SLC16A12: variants seen among roughly 807,000 people sequenced by gnomAD.
SLC16A12 encodes solute carrier family 16 member 12, also known as monocarboxylate transporter 12.
SLC16A12 carries 17 observed loss-of-function variants against 42.4 expected under a neutral mutation model. The observed-to-expected ratio is 0.40, with a 90% confidence interval of 0.27 to 0.60. The LOEUF (loss-of-function observed/expected upper bound fraction) is 0.60. Among genes scored for constraint, SLC16A12 ranks in the 20% least tolerant of loss-of-function variants. The pLI is 0.42. For synonymous variants in SLC16A12, 224 were observed against 229.4 expected, an observed-to-expected ratio of 0.98 and a Z score of 0.21; for missense variants, 544 against 623.0, an observed-to-expected ratio of 0.87 and a Z score of 1.35.
At chr10:89,504,802 A>G (rs1288592363) in intron 2 of SLC16A12, among the ~76,000 whole-genome samples, 1 of 152,182 alleles carries the variant, frequency 6.6e-6, no homozygotes, top group Non-Finnish European at 1.5e-5. Context: ...GGGCCTGATT[A>G]CAATGTTTCT....
At chr10:89,485,964 TC>T (rs1186185992) in intron 2 of SLC16A12, among the ~76,000 whole-genome samples, 1 of 152,166 alleles carries the variant, frequency 6.6e-6, no homozygotes, top group East Asian at 1.9e-4. Flanking sequence ...AATATAAACT[TC>T]CTTGGTAAGC....
intron 3 of SLC16A12, among the ~76,000 whole-genome samples, chr10:89,451,858 C>A (rs757949465): frequency 1.3e-5 from 2 of 152,110 alleles, no homozygotes. Flanking sequence ...TTCTGCTAGG[C>A]CCACGATTTG....
chr10:89,439,023 C>T lies in SLC16A12; in HGVS notation c.609G>A (p.Trp203Ter), dbSNP rs780179198. The change falls in exon 6 of 8, where the codon TGG (tryptophan) becomes TGA (stop). Residue 203 changes from tryptophan to a stop codon, truncating the protein, a stop_gained. Transcript: ENST00000371790. LOFTEE classifies it high-confidence loss of function. The part of the protein sequence containing the change: ...VVQLLIEQFS[W>*]RGALLILGGF... ...CCCCAAGAATGAGTAAGGCTCCCCG[C>T]CAGGAAAACTGTTCAATAAGGAGCT... The T allele has an allele frequency of 1.2e-6, 2 of 1,614,042 alleles. No individual in the cohort carries two copies. The highest frequency in any genetic ancestry group is 1.7e-6 in the Non-Finnish European group (2 of 1,179,970).
chr10:89,520,075 T>G (rs1026452793), intron 2 of SLC16A12, among the ~76,000 whole-genome samples: 3 of 149,838 alleles, frequency 2.0e-5, no homozygotes, highest in African/African-American at 7.4e-5. Flanking sequence ...ATCGCGCCAC[T>G]ACACTCCAGT....
At chr10:89,433,378 T>C (rs1841724504) in intron 7 of SLC16A12, 52 bp from the exon 8 acceptor site, 1 of 1,577,288 alleles carries the variant, frequency 6.3e-7, no homozygotes, top group East Asian at 2.3e-5. Flanking sequence ...TTCAATTGCT[T>C]ACCCACTCTC....
At chr10:89,489,569 T>C (rs1842816170) in intron 2 of SLC16A12, among the ~76,000 whole-genome samples, 1 of 152,104 alleles carries the variant, frequency 6.6e-6, no homozygotes, top group Non-Finnish European at 1.5e-5. Flanking sequence ...GTTCAACGTC[T>C]GTACTCAAGC....
At chr10:89,528,005 T>C (rs1178449813) in intron 2 of SLC16A12, among the ~76,000 whole-genome samples, 2 of 152,148 alleles carry the variant, frequency 1.3e-5, no homozygotes, top group Non-Finnish European at 2.9e-5. Context: ...TAAACTCCTA[T>C]CTTTCTTACG....
chr10:89,556,431 C>T (rs561358485), intron 1 of SLC16A12: 3 of 152,340 alleles, frequency 2.0e-5, no homozygotes, highest in East Asian at 3.9e-4. Context: ...CGGTTCCTAG[C>T]TCATGACTCC....
At chr10:89,512,036 T>G (rs148361782) in intron 2 of SLC16A12, among the ~76,000 whole-genome samples, 1 of 152,276 alleles carries the variant, frequency 6.6e-6, no homozygotes, top group Non-Finnish European at 1.5e-5. Flanking sequence ...TTATGCTAAG[T>G]GAAAAAGCTA....
At chr10:89,503,381 T>C (rs1005152740) in intron 2 of SLC16A12, among the ~76,000 whole-genome samples, 17 of 152,198 alleles carry the variant, frequency 1.1e-4, no homozygotes, top group African/African-American at 3.9e-4. Context: ...ATAGTTGCTG[T>C]TCCAATCCCA....
At position 89,535,568 on chromosome 10, in the gene SLC16A12, CCCAGAGCT is replaced by C. The variant is rs940663022; in HGVS notation, c.-321_-314del. The C allele has an allele frequency of 1.3e-5, 2 of 152,506 alleles. No homozygotes were observed. The highest frequency in any genetic ancestry group is 2.9e-5 in the Non-Finnish European group (2 of 68,388). 9.4% of individuals were successfully genotyped at this position (152,506 alleles called of 1,614,324 possible). ...GCCGGCGAGACTGAGCCCGGGACAG[CCCAGAGCT>C]CCAGCGCTCCAGCGCTCTGCAGCCC... On this transcript the variant is annotated 5_prime_UTR_variant, in exon 1 of 8. Coordinates refer to ENST00000371790, the MANE Select transcript of SLC16A12 (RefSeq NM_213606.4).
At chr10:89,539,871 T>TTCTTTCTTTCTTTC (rs1843701742), upstream of SLC16A12, among the ~76,000 whole-genome samples, 1 of 142,918 alleles carries the variant, frequency 7.0e-6, no homozygotes, top group African/African-American at 2.8e-5. Flanking sequence ...CTTTCTTTCT[T>TTCTTTCTTTCTTTC]TCTTTCTTTC....
At chr10:89,454,189 C>T (rs1038762771) in intron 3 of SLC16A12, among the ~76,000 whole-genome samples, 1 of 152,002 alleles carries the variant, frequency 6.6e-6, no homozygotes, top group East Asian at 1.9e-4. Context: ...TCATGTCCAG[C>T]TAGAGACAAG....
chr10:89,492,769 A>C (rs559327452), intron 2 of SLC16A12, among the ~76,000 whole-genome samples: 7 of 151,634 alleles, frequency 4.6e-5, no homozygotes, highest in Admixed American at 2.0e-4. Flanking sequence ...TAAGACTCAG[A>C]CCAATCTAGT....
chr10:89,438,332 T>G (rs1841838835), intron 6 of SLC16A12, among the ~76,000 whole-genome samples: 1 of 152,258 alleles, frequency 6.6e-6, no homozygotes, highest in South Asian at 2.1e-4. Flanking sequence ...TTTGTTTACA[T>G]ATTGTCTGTG....
intron 2 of SLC16A12, among the ~76,000 whole-genome samples, chr10:89,489,116 A>G (rs1044442103): frequency 3.5e-4 from 54 of 152,278 alleles, no homozygotes; most frequent in African/African-American, 1.3e-3. Context: ...TTCACGGCTC[A>G]ATCATTTAAA....
upstream of SLC16A12, among the ~76,000 whole-genome samples, chr10:89,538,993 C>T (rs1270738668): frequency 6.6e-6 from 1 of 152,194 alleles, no homozygotes; most frequent in African/African-American, 2.4e-5. Flanking sequence ...ATCACCTTGG[C>T]CTGTCTTTAG....
chr10:89,492,323 AC>A (rs1842858065), intron 2 of SLC16A12, among the ~76,000 whole-genome samples: 1 of 152,208 alleles, frequency 6.6e-6, no homozygotes, highest in Non-Finnish European at 1.5e-5. Context: ...ATAATTATCC[AC>A]TAAAGGTTAT....
At chr10:89,499,289 T>C (rs1390121690) in intron 2 of SLC16A12, among the ~76,000 whole-genome samples, 3 of 152,222 alleles carry the variant, frequency 2.0e-5, no homozygotes, top group Non-Finnish European at 4.4e-5. Context: ...GCACGGTGGC[T>C]CTTGCCTGTA....
Sources: allele counts gnomAD v4.1 joint callset (sites outside exome capture counted in the v4.1 genomes callset), GRCh38; gene constraint gnomAD v4.1.1; transcripts MANE v1.5; gene names NCBI Gene and HGNC (gene_info 2026-07-23, HGNC 2026-07-21).